The following CACNA1E variants were observed in gnomAD, a reference collection of about 807,000 sequenced individuals.
The protein encoded by CACNA1E is calcium voltage-gated channel subunit alpha1 E, also known as voltage-dependent R-type calcium channel subunit alpha-1E.
A neutral mutation model predicts 259.2 loss-of-function variants in CACNA1E; 40 were observed. The observed-to-expected ratio is 0.15, with a 90% CI of 0.12 to 0.20. CACNA1E has a LOEUF of 0.20. Ranked by LOEUF, CACNA1E falls within the 10% of genes least tolerant of loss-of-function variation. CACNA1E has a pLI of 1.00. For synonymous variants in CACNA1E, 1,104 were observed against 1,138.5 expected (o/e 0.97, Z 0.61); for missense variants, 1,874 against 3,040.1 (o/e 0.62, Z 9.02).
At chr1:181,368,230 A>C (rs1654422278) in intron 1 of CACNA1E, among the ~76,000 whole-genome samples, 1 of 151,886 alleles carries the variant, frequency 6.6e-6, no homozygotes, top group South Asian at 2.1e-4. Flanking sequence ...ACTCTGTCTA[A>C]AAAAAATAAA....
In CACNA1E at chr1:181,798,515, C is replaced by G; in HGVS notation, c.6623C>G (p.Thr2208Ser). 6.2e-7 allele frequency: 1 copy of G among 1,613,918 alleles called. No homozygotes were observed. The highest frequency in any genetic ancestry group is 1.3e-5 in the African/African-American group (1 of 75,058). ...QALESNNACLTESSNSPHPQQ... is the reference protein window; with the variant it reads ...QALESNNACLSESSNSPHPQQ... ...CTGGAGAGCAACAATGCTTGCCTGA[C>G]CGAGTCTTCCAACTCTCCGCACCCC... is the stretch of plus-strand genomic sequence containing the variant. Residue 2208 changes from threonine to serine, a missense_variant, in exon 48 of 48, where the codon ACC becomes AGC. Coordinates refer to ENST00000367573, the MANE Select transcript of CACNA1E (RefSeq NM_001205293.3). This position sits in a 1 kb window ranked among gnomAD's most constrained non-coding sequence, Gnocchi z 4.2.
intron 6 of CACNA1E, among the ~76,000 whole-genome samples, chr1:181,625,424 C>T (rs887107330): frequency 3.9e-5 from 6 of 152,052 alleles, no homozygotes; most frequent in East Asian, 1.9e-4. Flanking sequence ...TTAGTGTACC[C>T]GTCTTTATCA....
At chr1:181,674,223 C>CAAAAAAAA (rs58198967) in intron 7 of CACNA1E, among the ~76,000 whole-genome samples, 1 of 88,452 alleles carries the variant, frequency 1.1e-5, no homozygotes, top group Non-Finnish European at 2.5e-5. Context: ...ACTAAAAATA[C>CAAAAAAAA]AAAAAAAAAA....
chr1:181,471,475 A>G (rs1023063230), intron 2 of CACNA1E, among the ~76,000 whole-genome samples: 3 of 152,182 alleles, frequency 2.0e-5, no homozygotes, highest in Non-Finnish European at 4.4e-5. Context: ...CAACACATAT[A>G]TAGTGCTTCA....
intron 1 of CACNA1E, among the ~76,000 whole-genome samples, chr1:181,358,972 C>T (rs1430569516): frequency 1.3e-5 from 2 of 152,282 alleles, no homozygotes; most frequent in East Asian, 3.9e-4. Flanking sequence ...TTATTTGGTG[C>T]AGCTTCTGGC....
At chr1:181,685,230 G>GTTTTTTTTTTTT (rs139598690) in intron 7 of CACNA1E, among the ~76,000 whole-genome samples, 2 of 103,436 alleles carry the variant, frequency 1.9e-5, no homozygotes, top group African/African-American at 7.6e-5. Flanking sequence ...CCACCTTTAA[G>GTTTTTTTTTTTT]TTTTTTTTTT....
At chr1:181,771,695 A>G in intron 36 of CACNA1E, 1 of 467,806 alleles carries the variant, frequency 2.1e-6, no homozygotes, top group South Asian at 3.8e-5. Context: ...TTAATTTGCA[A>G]ATTTTAACTT....
At chr1:181,593,427 A>G (rs981743131) in intron 6 of CACNA1E, among the ~76,000 whole-genome samples, 1 of 152,254 alleles carries the variant, frequency 6.6e-6, no homozygotes, top group Non-Finnish European at 1.5e-5. Flanking sequence ...ATTGAAAAAC[A>G]TACCTATATT....
intron 18 of CACNA1E, among the ~76,000 whole-genome samples, chr1:181,729,999 G>C (rs1655315166): frequency 6.6e-6 from 1 of 152,080 alleles, no homozygotes; most frequent in African/African-American, 2.4e-5. Flanking sequence ...GTATTCAGTT[G>C]AGGAGCTCAC....
At chr1:181,696,946 C>T (rs1250895273) in intron 7 of CACNA1E, among the ~76,000 whole-genome samples, 1 of 152,136 alleles carries the variant, frequency 6.6e-6, no homozygotes, top group Non-Finnish European at 1.5e-5. Context: ...ATGTGAATTT[C>T]CTGCTTCCTG....
At chr1:181,783,536 G>A in intron 39 of CACNA1E, 143 bp from the exon 40 acceptor site, 1 of 558,558 alleles carries the variant, frequency 1.8e-6, no homozygotes, top group Admixed American at 3.0e-5. Flanking sequence ...AGCAGGGAGA[G>A]AAGGACTGGG....
chr1:181,671,074 C>G (rs748381191), intron 7 of CACNA1E, among the ~76,000 whole-genome samples: 7 of 152,174 alleles, frequency 4.6e-5, no homozygotes, highest in Non-Finnish European at 1.0e-4. Flanking sequence ...TGCTCTGTCA[C>G]CCATGCTGGA....
intron 3 of CACNA1E, among the ~76,000 whole-genome samples, chr1:181,528,722 G>T (rs1267519015): frequency 6.6e-6 from 1 of 152,158 alleles, no homozygotes; most frequent in Non-Finnish European, 1.5e-5. Flanking sequence ...GTGGCCTATT[G>T]CCCCTGCCCT....
At chr1:181,379,954 G>T (rs1455508727) in intron 1 of CACNA1E, among the ~76,000 whole-genome samples, 1 of 147,340 alleles carries the variant, frequency 6.8e-6, no homozygotes, top group Non-Finnish European at 1.5e-5. Flanking sequence ...TGGGAAGGTA[G>T]ACTGTCATAA....
intron 1 of CACNA1E, among the ~76,000 whole-genome samples, chr1:181,324,457 A>G (rs534808584): frequency 6.6e-6 from 1 of 152,246 alleles, no homozygotes; most frequent in African/African-American, 2.4e-5. Context: ...GTTAAATTGT[A>G]TGCAGAAGTG....
In CACNA1E at chr1:181,758,829, C is replaced by A; in HGVS notation, c.4566C>A (p.Ser1522=). The change falls in exon 32 of 48, where the codon TCC becomes TCA. Residue 1522 remains serine (S), a synonymous_variant. Transcript: ENST00000367573. The surrounding 1 kb of genome is among the most constrained non-coding windows in gnomAD (Gnocchi z 4.2). The part of the protein sequence containing the change: ...YLNIAFTMVF[S]LECVLKVIAF... ...ATATCGCCTTCACCATGGTGTTTTC[C>A]CTGGAATGTGTCCTGAAGGTCATCG... is the stretch of plus-strand genomic sequence containing the variant. 6.2e-7 allele frequency: 1 copy of A among 1,612,726 alleles called. No homozygotes were observed. The highest frequency in any genetic ancestry group is 8.5e-7 in the Non-Finnish European group (1 of 1,178,774).
intron 23 of CACNA1E, 48 bp from the exon 24 acceptor site, chr1:181,738,319 C>G (rs1656250579): frequency 1.3e-6 from 2 of 1,501,770 alleles, no homozygotes; most frequent in Non-Finnish European, 1.9e-6. Context: ...CATGTAGTAG[C>G]CTGTTGGCCA....
At chr1:181,401,239 G>A (rs952663774) in intron 1 of CACNA1E, among the ~76,000 whole-genome samples, 2 of 152,050 alleles carry the variant, frequency 1.3e-5, no homozygotes, top group Non-Finnish European at 2.9e-5. Flanking sequence ...CACTGTTTCA[G>A]TTGCAGTCCA....
At position 181,798,139 on chromosome 1, in the gene CACNA1E, C is replaced by T. The variant is rs911737243; in HGVS notation, c.6400-153C>T. ...TTCTTGACTCCTTAATCTCTTCAAT[C>T]CCTTTTTCCCTGAGTGGATGTGAAT... On this transcript the variant is annotated intron_variant, in intron 47 of 47. Coordinates refer to ENST00000367573, the MANE Select transcript of CACNA1E (RefSeq NM_001205293.3). This position sits in a 1 kb window ranked among gnomAD's most constrained non-coding sequence, Gnocchi z 4.2. 6.6e-6 allele frequency among the ~76,000 whole-genome samples: 1 copy of T among 152,204 alleles called. No individual in the cohort carries two copies. The highest frequency in any genetic ancestry group is 2.1e-4 in the South Asian group (1 of 4,836).
Sources: gnomAD v4.1 joint callset for allele counts (sites outside exome capture counted in the v4.1 genomes callset) on GRCh38, gnomAD v4.1.1 for gene constraint, Gnocchi (gnomAD v3.1) non-coding constraint, MANE v1.5 for transcripts, NCBI Gene and HGNC (gene_info 2026-07-23, HGNC 2026-07-21) for gene names.